The following PPP1R9A variants were observed in gnomAD, a reference collection of about 807,000 sequenced individuals.
PPP1R9A encodes protein phosphatase 1 regulatory subunit 9A.
PPP1R9A carries 59 observed loss-of-function variants against 141.9 expected under a neutral mutation model. The observed-to-expected ratio is 0.42, with a 90% CI of 0.34 to 0.52. The LOEUF (loss-of-function observed/expected upper bound fraction) is 0.52. Among genes scored for constraint, PPP1R9A ranks in the 20% least tolerant of loss-of-function variants. The pLI is 0.10. For missense variants in PPP1R9A, 1,444 were observed against 1,611.9 expected (o/e 0.90, Z 1.78); for synonymous variants, 500 against 569.7 (o/e 0.88, Z 1.74).
chr7:95,266,500 T>G (rs1801311499), intron 12 of PPP1R9A, among the ~76,000 whole-genome samples: 1 of 152,054 alleles, frequency 6.6e-6, no homozygotes, highest in Admixed American at 6.6e-5. Flanking sequence ...TTATCAACAC[T>G]AGCTAAATCA....
intron 1 of PPP1R9A, among the ~76,000 whole-genome samples, chr7:94,908,749 A>G (rs1036049373): frequency 6.6e-6 from 1 of 152,156 alleles, no homozygotes; most frequent in Non-Finnish European, 1.5e-5. Flanking sequence ...GGCTTTAAAA[A>G]GAATGGTCAG....
intron 7 of PPP1R9A, among the ~76,000 whole-genome samples, chr7:95,220,770 G>A (rs1018275776): frequency 2.6e-5 from 4 of 152,120 alleles, no homozygotes; most frequent in African/African-American, 9.7e-5. Flanking sequence ...TATGAGTGAT[G>A]TCAGCTATAC....
chr7:95,123,989 A>G (rs907125309), intron 4 of PPP1R9A, among the ~76,000 whole-genome samples: 32 of 152,302 alleles, frequency 2.1e-4, no homozygotes, highest in Non-Finnish European at 1.3e-4. Context: ...GAGGTCAGAG[A>G]AACTTTAGAG....
intron 2 of PPP1R9A, among the ~76,000 whole-genome samples, chr7:95,022,487 C>T (rs773034753): frequency 2.6e-5 from 4 of 152,246 alleles, no homozygotes; most frequent in South Asian, 2.1e-4. Flanking sequence ...TCTTGCCTGA[C>T]TGCCCTGGCC....
chr7:95,277,998 A>G (rs1310513534), intron 16 of PPP1R9A, among the ~76,000 whole-genome samples: 1 of 152,198 alleles, frequency 6.6e-6, no homozygotes, highest in African/African-American at 2.4e-5. Flanking sequence ...AGGTGATAGT[A>G]TGTTGAGAAA....
intron 2 of PPP1R9A, among the ~76,000 whole-genome samples, chr7:94,918,064 A>G (rs866665226): frequency 6.6e-6 from 1 of 152,096 alleles, no homozygotes; most frequent in Non-Finnish European, 1.5e-5. Flanking sequence ...AATTTACCTG[A>G]TATTTTTCTT....
chr7:94,956,497 T>A (rs1584386200), intron 2 of PPP1R9A, among the ~76,000 whole-genome samples: 1 of 152,150 alleles, frequency 6.6e-6, no homozygotes, highest in African/African-American at 2.4e-5. Context: ...CATTTTCTGG[T>A]TGTTACCTGG....
intron 2 of PPP1R9A, among the ~76,000 whole-genome samples, chr7:94,975,027 T>TA (rs1311117616): frequency 1.3e-5 from 2 of 152,168 alleles, no homozygotes; most frequent in Non-Finnish European, 2.9e-5. Context: ...TCAGGACCCT[T>TA]AGGGAGCTTT....
intron 7 of PPP1R9A, among the ~76,000 whole-genome samples, chr7:95,206,844 G>A (rs1323400773): frequency 2.0e-5 from 3 of 152,078 alleles, no homozygotes; most frequent in African/African-American, 7.2e-5. Flanking sequence ...ACAAAACCCA[G>A]GGTCCACCTG....
intron 5 of PPP1R9A, among the ~76,000 whole-genome samples, chr7:95,179,256 G>C (rs1833357913): frequency 1.3e-5 from 2 of 152,058 alleles, no homozygotes; most frequent in South Asian, 2.1e-4. Flanking sequence ...TACATAAACA[G>C]AATTAAAAAC....
intron 2 of PPP1R9A, among the ~76,000 whole-genome samples, chr7:95,007,902 T>C (rs1312299224): frequency 6.6e-6 from 1 of 152,042 alleles, no homozygotes; most frequent in Non-Finnish European, 1.5e-5. Context: ...TGAAACCCTG[T>C]CTCTACTAAA....
rs146630933 is a variant in PPP1R9A, at chr7:95,263,300, C to G, written c.2666-5250C>G. 4.9e-3 allele frequency among the ~76,000 whole-genome samples: 741 copies of G among 152,196 alleles called. 4 individuals carry two copies. The highest frequency in any genetic ancestry group is 0.017 in the African/African-American group (696 of 41,528). On this transcript the variant is annotated intron_variant, in intron 12 of 19. Coordinates refer to ENST00000433360, the MANE Select transcript of PPP1R9A (RefSeq NM_001166160.2). Reference sequence around the variant, plus strand: ...CAATTACATAATACAAAATATAATACCAAATTTTTAAACATTGCAAATAAG... The same window carrying G: ...CAATTACATAATACAAAATATAATAGCAAATTTTTAAACATTGCAAATAAG...
chr7:95,124,608 A>C (rs73429086), intron 4 of PPP1R9A, among the ~76,000 whole-genome samples: 1,768 of 152,296 alleles, frequency 0.012, 31 homozygotes, highest in African/African-American at 0.041. Context: ...TATTGACAGA[A>C]TTAAAGTTCT....
At chr7:95,210,936 G>C (rs1220784444) in intron 7 of PPP1R9A, among the ~76,000 whole-genome samples, 1 of 152,074 alleles carries the variant, frequency 6.6e-6, no homozygotes, top group Non-Finnish European at 1.5e-5. Context: ...TCATAAGTGT[G>C]AGTGGATCAA....
At chr7:95,264,636 T>C (rs1585532992) in intron 12 of PPP1R9A, among the ~76,000 whole-genome samples, 1 of 152,130 alleles carries the variant, frequency 6.6e-6, no homozygotes, top group Non-Finnish European at 1.5e-5. Flanking sequence ...AGAGGTGGAG[T>C]CTCTCTCACT....
At chr7:94,932,243 G>T (rs1421445194) in intron 2 of PPP1R9A, among the ~76,000 whole-genome samples, 1 of 152,122 alleles carries the variant, frequency 6.6e-6, no homozygotes, top group Non-Finnish European at 1.5e-5. Flanking sequence ...CCAGCCAAAA[G>T]GCTTTTGTGT....
rs889386643 is a variant in PPP1R9A at position 95,135,126 on chromosome 7, A to G, written c.1649+14294A>G. 9.9e-5 allele frequency among the ~76,000 whole-genome samples: 15 copies of G among 152,252 alleles called. 1 individual carries two copies. Among genetic ancestry groups the G allele is most frequent in the Non-Finnish European group, 1.2e-4 (8 of 68,018 alleles). The stretch of plus-strand genomic sequence containing the variant: ...ACACTTATAGTGTTTTTTATAGCTT[A>G]TCACACTCCTGTGTCTCTAATGCCT... On this transcript the variant is annotated intron_variant, in intron 4 of 19. Transcript: ENST00000433360.
chr7:95,234,855 T>C (rs1023614578), intron 8 of PPP1R9A, among the ~76,000 whole-genome samples: 7 of 151,966 alleles, frequency 4.6e-5, no homozygotes, highest in African/African-American at 1.7e-4. Context: ...AACCCAGAAA[T>C]AAACCCAAAT....
chr7:95,105,628 GT>G (rs1246248291), intron 2 of PPP1R9A, among the ~76,000 whole-genome samples: 1 of 152,148 alleles, frequency 6.6e-6, no homozygotes, highest in Admixed American at 6.5e-5. Context: ...GGCCTTTAGA[GT>G]TTTTTGTGTT....
Sources: gnomAD v4.1 joint callset for allele counts (sites outside exome capture counted in the v4.1 genomes callset) on GRCh38, gnomAD v4.1.1 for gene constraint, MANE v1.5 for transcripts, NCBI Gene and HGNC (gene_info 2026-07-23, HGNC 2026-07-21) for gene names.